FRA10AC1: variants seen among roughly 807,000 people sequenced by gnomAD.
The protein encoded by FRA10AC1 is protein FRA10AC1.
FRA10AC1 carries 43 observed loss-of-function variants against 56.5 expected under a neutral mutation model. The observed-to-expected ratio is 0.76, with a 90% CI of 0.60 to 0.98. The LOEUF is 0.98. FRA10AC1 is among the 50% of genes least tolerant of loss of function. FRA10AC1 has a pLI of 0.00. For missense variants in FRA10AC1, 346 were observed against 351.8 expected (o/e 0.98, Z 0.13); for synonymous variants, 112 against 110.5 (o/e 1.01, Z -0.09).
At chr10:93,685,148 A>G (rs79118451) in intron 9 of FRA10AC1, 98 bp downstream of exon 9, 10,837 of 662,512 alleles carry the variant, frequency 0.016, 131 homozygotes, top group Non-Finnish European at 0.022. Context: ...TTCCAGAAAG[A>G]TATGTTAAAA....
In FRA10AC1 at chr10:93,669,109, A is replaced by C. The variant is rs1226783337; in HGVS notation, c.*717T>G. 2.6e-5 allele frequency: 4 copies of C among 152,096 alleles called. No individual in the cohort carries two copies. Among genetic ancestry groups the C allele is most frequent in the African/African-American group, 4.8e-5 (2 of 41,394 alleles). The allele number at this position is 152,096 out of a possible 1,614,324, so 9.4% of individuals were successfully genotyped here. A position where few individuals can be genotyped will look rare whatever the true frequency, so the allele number is the denominator to read the frequency against. On this transcript the variant is annotated 3_prime_UTR_variant, in exon 14 of 14. Transcript: ENST00000359204. ...AAATTTGATTATAACAAACTCTCTTAAGTGGTAGAGGTTAAGAAGGAAGCA... is the reference window on the plus strand; with the variant it reads ...AAATTTGATTATAACAAACTCTCTTCAGTGGTAGAGGTTAAGAAGGAAGCA...
Position 93,694,938 on chromosome 10 carries a change from CT to C in FRA10AC1, c.220-2del, listed in dbSNP as rs745531366. 2 of 1,414,920 alleles carry C rather than the reference CT, an allele frequency of 1.4e-6. No homozygotes were observed. Among genetic ancestry groups the C allele is most frequent in the Non-Finnish European group, 2.0e-6 (2 of 999,922 alleles). 87.6% of individuals were successfully genotyped at this position (1,414,920 alleles called of 1,614,324 possible). A position where few individuals can be genotyped will look rare whatever the true frequency, so the allele number is the denominator to read the frequency against. On this transcript the variant is annotated splice_acceptor_variant, in intron 4 of 13. Coordinates refer to ENST00000359204, the MANE Select transcript of FRA10AC1 (RefSeq NM_145246.5). LOFTEE classifies it high-confidence loss of function. ...TTACGAACTTTGTATGTCTTTGATACTGAAATGCAAAAAATTAAGGATTTTA... is the reference window on the plus strand; with the variant it reads ...TTACGAACTTTGTATGTCTTTGATACGAAATGCAAAAAATTAAGGATTTTA...
rs2059356428 is a variant in FRA10AC1, at chr10:93,702,519, ACCACCGCCGCCGCCGCCG to A, written c.-163_-146del. The stretch of plus-strand genomic sequence containing the variant: ...CCTGCCGCACAGCCTCGCCACAACC[ACCACCGCCGCCGCCGCCG>A]CCGCCGCCGCCCGCAACCCGCCTCT... On this transcript the variant is annotated 5_prime_UTR_variant, in exon 1 of 14. Transcript: ENST00000359204. The A allele has an allele frequency of 1.3e-5, 2 of 159,560 alleles. No homozygotes were observed. Among genetic ancestry groups the A allele is most frequent in the South Asian group, 6.1e-5 (1 of 16,328 alleles). 9.9% of individuals were successfully genotyped at this position (159,560 alleles called of 1,614,324 possible).
intron 12 of FRA10AC1, chr10:93,671,075 C>G (rs571476256): frequency 7.1e-6 from 3 of 421,482 alleles, no homozygotes; most frequent in East Asian, 7.8e-5. Context: ...TAAGTCTCAT[C>G]GAAACTTCTC....
In FRA10AC1 at chr10:93,692,166, A is replaced by C. The variant is rs184396393; in HGVS notation, c.381-73T>G. ...GGTTTGCTACTTTCAAGTGATGTCA[A>C]AGAATACATACTACATAAATATTAA... On this transcript the variant is annotated intron_variant, in intron 6 of 13. Transcript: ENST00000359204. 943 of 986,598 alleles carry C rather than the reference A, an allele frequency of 9.6e-4. 5 individuals are homozygous for C. In the African/African-American group the frequency reaches 0.013, roughly 13 times the overall value. 61.1% of individuals were successfully genotyped at this position (986,598 alleles called of 1,614,324 possible).
chr10:93,684,890 C>T (rs138169758), intron 9 of FRA10AC1, among the ~76,000 whole-genome samples: 2,101 of 152,240 alleles, frequency 0.014, 27 homozygotes, highest in Non-Finnish European at 0.022. Flanking sequence ...ATTATCTGTG[C>T]TACAACGATA....
intron 8 of FRA10AC1, among the ~76,000 whole-genome samples, chr10:93,685,736 C>CA (rs1476778156): frequency 1.9e-4 from 29 of 149,572 alleles, no homozygotes; most frequent in Admixed American, 3.3e-4. Flanking sequence ...AATACCCCCC[C>CA]CAAAAAAAAA....
At chr10:93,684,984 A>G (rs1402423333) in intron 9 of FRA10AC1, among the ~76,000 whole-genome samples, 1 of 152,144 alleles carries the variant, frequency 6.6e-6, no homozygotes, top group Admixed American at 6.5e-5. Flanking sequence ...GGCATTCTCA[A>G]GTTAATGGGG....
chr10:93,673,831 A>G, intron 12 of FRA10AC1: 1 of 434,572 alleles, frequency 2.3e-6, no homozygotes, highest in Non-Finnish European at 4.6e-6. Context: ...TTTTATAGAC[A>G]GAAGTGAAAC....
intron 5 of FRA10AC1, 50 bp from the exon 6 acceptor site, chr10:93,692,779 T>C (rs772825040): frequency 7.8e-7 from 1 of 1,276,664 alleles, no homozygotes; most frequent in Non-Finnish European, 1.1e-6. Context: ...AGTAGTCAAA[T>C]TTAGGTTAAA....
intron 5 of FRA10AC1, among the ~76,000 whole-genome samples, chr10:93,693,514 TATATATATATATAC>T (rs2059166324): frequency 3.7e-5 from 2 of 54,526 alleles, no homozygotes; most frequent in African/African-American, 1.6e-4. Flanking sequence ...ATATACACCA[TATATATATATATAC>T]ACCATATATA....
chr10:93,698,409 G>T lies in FRA10AC1; in HGVS notation c.78-13C>A. ...ATCTTCAACTGTCCTGATATATTAA[G>T]AAGAAAATAAGAGTTCACTTTTTTC... On this transcript the variant is annotated splice_polypyrimidine_tract_variant and intron_variant, in intron 2 of 13. Transcript: ENST00000359204. 1.4e-6 allele frequency: 2 copies of T among 1,454,884 alleles called. No homozygotes were observed. Among genetic ancestry groups the T allele is most frequent in the South Asian group, 1.2e-5 (1 of 81,474 alleles). The allele number at this position is 1,454,884 out of a possible 1,614,324, so 90.1% of individuals were successfully genotyped here.
At chr10:93,700,900 T>C (rs1200602116) in intron 1 of FRA10AC1, among the ~76,000 whole-genome samples, 3 of 152,302 alleles carry the variant, frequency 2.0e-5, no homozygotes, top group South Asian at 4.1e-4. Context: ...GGCGCCTTGA[T>C]GGCTCACATC....
At chr10:93,681,694 T>C in intron 10 of FRA10AC1, 96 bp from the exon 11 acceptor site, 1 of 1,121,444 alleles carries the variant, frequency 8.9e-7, no homozygotes, top group Non-Finnish European at 1.2e-6. Context: ...TCAGTTAAAA[T>C]ACTTATTTTT....
intron 2 of FRA10AC1, among the ~76,000 whole-genome samples, chr10:93,698,604 A>G (rs9420626): frequency 1 from 152,004 of 152,312 alleles, 75,848 homozygotes; most frequent in Middle Eastern, 1. Context: ...GGGGAAGATG[A>G]AACTAACAAA....
intron 5 of FRA10AC1, among the ~76,000 whole-genome samples, chr10:93,693,890 A>G (rs1175858636): frequency 1.3e-5 from 2 of 151,740 alleles, no homozygotes; most frequent in Non-Finnish European, 2.9e-5. Flanking sequence ...TGCAAAGGCA[A>G]AAGACTGATA....
At position 93,693,458 on chromosome 10, in the gene FRA10AC1, G is replaced by C. The variant is rs904970601; in HGVS notation, c.297-729C>G. ...CCAAAGTGCCCATCAACCAATGAGT[G>C]GATAAAGAAAATGTGGTGTGTGTGT... On this transcript the variant is annotated intron_variant, in intron 5 of 13. Coordinates refer to ENST00000359204, the MANE Select transcript of FRA10AC1 (RefSeq NM_145246.5). Among the ~76,000 whole-genome samples the C allele has an allele frequency of 4.3e-5, 6 of 139,890 alleles. No homozygotes were observed. The Admixed American group carries it at 4.4e-4, about 10-fold the overall frequency. The allele number at this position is 139,890 out of a possible 152,430, so 91.8% of individuals were successfully genotyped here.
chr10:93,698,084 G>T, intron 4 of FRA10AC1, 52 bp downstream of exon 4: 1 of 1,050,028 alleles, frequency 9.5e-7, no homozygotes, highest in Non-Finnish European at 1.4e-6. Context: ...CAAAAAAGCA[G>T]ATTTTAAAAT....
Position 93,678,390 on chromosome 10 carries a change from A to C in FRA10AC1, c.788-1699T>G, listed in dbSNP as rs113824918. On this transcript the variant is annotated intron_variant, in intron 11 of 13. Transcript: ENST00000359204. ...TATCTAGTTCATCCATCTATTACTT[A>C]TTTAACATTTTCTAAGACGGTAACC... Among the ~76,000 whole-genome samples the C allele has an allele frequency of 3.8e-3, 579 of 152,236 alleles. 6 individuals carry two copies. The highest frequency in any genetic ancestry group is 0.014 in the African/African-American group (565 of 41,554).
Sources: allele counts gnomAD v4.1 joint callset (sites outside exome capture counted in the v4.1 genomes callset), GRCh38; gene constraint gnomAD v4.1.1; transcripts MANE v1.5; gene names NCBI Gene and HGNC (gene_info 2026-07-23, HGNC 2026-07-21).